Variants in SNX3 observed in about 807,000 individuals in gnomAD.
SNX3 encodes sorting nexin-3.
Under a neutral mutation model 17.7 loss-of-function variants are expected in SNX3, and 5 were observed. That is an observed-to-expected ratio of 0.28 (90% CI 0.15 to 0.59). SNX3 has a LOEUF of 0.59. Ranked by LOEUF, SNX3 falls within the 20% of genes least tolerant of loss-of-function variation. SNX3 has a pLI of 0.88. For synonymous variants in SNX3, 91 were observed against 76.5 expected, an observed-to-expected ratio of 1.19 and a Z score of -0.99; for missense variants, 132 against 206.8, an observed-to-expected ratio of 0.64 and a Z score of 2.22.
At chr6:108,245,643 C>G (rs1275597610) in intron 1 of SNX3, among the ~76,000 whole-genome samples, 1 of 152,208 alleles carries the variant, frequency 6.6e-6, no homozygotes, top group African/African-American at 2.4e-5. Context: ...TTAACGACTG[C>G]CATTCTAACT....
At chr6:108,217,790 T>C (rs78505744) in intron 2 of SNX3, among the ~76,000 whole-genome samples, 7,928 of 150,494 alleles carry the variant, frequency 0.053, 288 homozygotes, top group South Asian at 0.19. Context: ...TAAAAAGTCA[T>C]GAATGCAAAG....
At chr6:108,231,157 T>C (rs1445065762) in intron 1 of SNX3, among the ~76,000 whole-genome samples, 1 of 150,320 alleles carries the variant, frequency 6.7e-6, no homozygotes, top group Non-Finnish European at 1.5e-5. Context: ...CAGGCTGGAG[T>C]GCAATGGCGC....
chr6:108,226,238 C>T (rs1562424528), intron 1 of SNX3, among the ~76,000 whole-genome samples: 3 of 152,060 alleles, frequency 2.0e-5, no homozygotes, highest in Non-Finnish European at 1.5e-5. Flanking sequence ...TCACATCTGG[C>T]TAATTTTTGT....
At chr6:108,217,537 C>G (rs979258638) in intron 2 of SNX3, among the ~76,000 whole-genome samples, 3 of 151,966 alleles carry the variant, frequency 2.0e-5, no homozygotes, top group Non-Finnish European at 4.4e-5. Context: ...GGTGGATCAC[C>G]TGAGGTCAGA....
At chr6:108,215,913 C>A (rs889553008) in intron 2 of SNX3, among the ~76,000 whole-genome samples, 1 of 151,602 alleles carries the variant, frequency 6.6e-6, no homozygotes, top group African/African-American at 2.4e-5. Context: ...TAGGTGACAG[C>A]GAGACCCCGT....
At chr6:108,220,126 A>G (rs1280723543) in intron 2 of SNX3, among the ~76,000 whole-genome samples, 10 of 152,150 alleles carry the variant, frequency 6.6e-5, no homozygotes. Flanking sequence ...CAAAAAGTTA[A>G]AGTAAAAAGT....
At chr6:108,222,818 A>G in intron 2 of SNX3, 132 bp downstream of exon 2, 1 of 679,690 alleles carries the variant, frequency 1.5e-6, no homozygotes, top group South Asian at 1.7e-5. Flanking sequence ...CTATAAAATG[A>G]CACTGAACTA....
At chr6:108,232,028 T>C (rs1370944269) in intron 1 of SNX3, among the ~76,000 whole-genome samples, 1 of 152,204 alleles carries the variant, frequency 6.6e-6, no homozygotes, top group Admixed American at 6.5e-5. Flanking sequence ...TGCTTTTCAT[T>C]TGCAAGATGA....
chr6:108,229,281 G>C (rs912158675), intron 1 of SNX3, among the ~76,000 whole-genome samples: 2 of 142,372 alleles, frequency 1.4e-5, no homozygotes, highest in Middle Eastern at 3.6e-3. Flanking sequence ...AAAAAAAAAA[G>C]TTTCAGAACA....
intron 1 of SNX3, among the ~76,000 whole-genome samples, chr6:108,244,660 T>G (rs566797221): frequency 6.9e-6 from 1 of 145,818 alleles, no homozygotes; most frequent in East Asian, 2.0e-4. Flanking sequence ...TTTTTTTTTT[T>G]TTTTTTTTTT....
intron 1 of SNX3, 137 bp downstream of exon 1, chr6:108,260,623 C>T: frequency 1.0e-6 from 1 of 953,692 alleles, no homozygotes; most frequent in Non-Finnish European, 1.6e-6. Context: ...CCCTGGCTCA[C>T]GACCCCGGCC....
At chr6:108,243,910 G>A (rs1775604454) in intron 1 of SNX3, among the ~76,000 whole-genome samples, 1 of 152,146 alleles carries the variant, frequency 6.6e-6, no homozygotes, top group South Asian at 2.1e-4. Flanking sequence ...CCCAGCCTGG[G>A]TAAGAAAGTG....
chr6:108,257,740 C>G (rs1372808083), intron 1 of SNX3, among the ~76,000 whole-genome samples: 1 of 151,484 alleles, frequency 6.6e-6, no homozygotes, highest in Non-Finnish European at 1.5e-5. Flanking sequence ...CCAAGGTAGG[C>G]AGATCATGAG....
At chr6:108,231,200 C>G (rs1467310400) in intron 1 of SNX3, among the ~76,000 whole-genome samples, 1 of 152,034 alleles carries the variant, frequency 6.6e-6, no homozygotes, top group East Asian at 1.9e-4. Flanking sequence ...CGCCTCCTGC[C>G]TCAGCCTTCC....
intron 1 of SNX3, among the ~76,000 whole-genome samples, chr6:108,225,480 A>C (rs1005322349): frequency 6.7e-6 from 1 of 150,190 alleles, no homozygotes; most frequent in African/African-American, 2.5e-5. Context: ...AAAATACAAA[A>C]CTTAGCTGGG....
intron 1 of SNX3, among the ~76,000 whole-genome samples, chr6:108,244,973 A>T (rs1207747000): frequency 6.6e-6 from 1 of 152,084 alleles, no homozygotes; most frequent in Non-Finnish European, 1.5e-5. Context: ...TAGTTCTGGG[A>T]TACACGTGCA....
At position 108,214,642 on chromosome 6, in the gene SNX3, A is replaced by G. The variant is rs1774508822; in HGVS notation, c.259-20T>C. 6.2e-7 allele frequency: 1 copy of G among 1,605,868 alleles called. No homozygotes were observed. The highest frequency in any genetic ancestry group is 8.5e-7 in the Non-Finnish European group (1 of 1,177,878). On this transcript the variant is annotated intron_variant, in intron 2 of 3. Transcript: ENST00000230085. ...TACGACCTAAAATGTGAAGACAGAA[A>G]CTCCTTGATCATGATGACTGGGTTG...
chr6:108,234,254 T>TAA (rs1554262061), intron 1 of SNX3, among the ~76,000 whole-genome samples: 19 of 151,476 alleles, frequency 1.3e-4, no homozygotes, highest in Non-Finnish European at 2.4e-4. Context: ...TATATATATA[T>TAA]AACATATACA....
rs532554973 is a variant in SNX3, at chr6:108,245,637, C to T, written c.162+15123G>A. 2.7e-3 allele frequency among the ~76,000 whole-genome samples: 417 copies of T among 152,264 alleles called. 4 individuals are homozygous for T. Among genetic ancestry groups the T allele is most frequent in the African/African-American group, 9.0e-3 (376 of 41,564 alleles). On this transcript the variant is annotated intron_variant, in intron 1 of 3. Coordinates refer to ENST00000230085, the MANE Select transcript of SNX3 (RefSeq NM_003795.6). ...CATCTGTTGTTTCCTGACTTTTTAA[C>T]GACTGCCATTCTAACTGGCGTGAGA...
Sources: allele counts gnomAD v4.1 joint callset (sites outside exome capture counted in the v4.1 genomes callset), GRCh38; gene constraint gnomAD v4.1.1; transcripts MANE v1.5; gene names NCBI Gene and HGNC (gene_info 2026-07-23, HGNC 2026-07-21).